CEP112: variants seen among roughly 807,000 people sequenced by gnomAD.
CEP112 encodes the protein centrosomal protein 112, also known as centrosomal protein of 112 kDa.
CEP112 carries 127 observed loss-of-function variants against 153.0 expected under a neutral mutation model. The observed-to-expected ratio is 0.83, with a 90% CI of 0.72 to 0.96. The LOEUF (loss-of-function observed/expected upper bound fraction) is 0.96, where lower values mean the gene tolerates loss of function less well. CEP112 is among the 40% of genes least tolerant of loss of function. The pLI, the probability that CEP112 is intolerant of heterozygous loss-of-function variation, is 0.00. For missense variants in CEP112, 1,089 were observed against 1,101.2 expected, an observed-to-expected ratio of 0.99 and a Z score of 0.16; for synonymous variants, 358 against 374.4, an observed-to-expected ratio of 0.96 and a Z score of 0.51.
At chr17:65,958,816 G>T (rs796440304) in intron 18 of CEP112, among the ~76,000 whole-genome samples, 1 of 152,266 alleles carries the variant, frequency 6.6e-6, no homozygotes, top group African/African-American at 2.4e-5. Context: ...AGGCCTGGCT[G>T]CAAGTCCCAC....
chr17:65,652,425 A>G (rs1202766500), intron 24 of CEP112, among the ~76,000 whole-genome samples: 1 of 152,096 alleles, frequency 6.6e-6, no homozygotes, highest in Admixed American at 6.6e-5. Context: ...CACATAATAG[A>G]TGTTCAATAA....
chr17:65,869,366 C>T (rs189396876), intron 20 of CEP112, among the ~76,000 whole-genome samples: 1 of 152,208 alleles, frequency 6.6e-6, no homozygotes, highest in East Asian at 1.9e-4. Context: ...AAATCATTAG[C>T]CCATCTTGTG....
intron 20 of CEP112, among the ~76,000 whole-genome samples, chr17:65,863,307 T>C (rs1041530913): frequency 3.9e-5 from 6 of 152,174 alleles, no homozygotes; most frequent in African/African-American, 1.4e-4. Context: ...AAAGAAAACA[T>C]GGCTTTTGCC....
intron 20 of CEP112, among the ~76,000 whole-genome samples, chr17:65,859,921 A>G (rs976660117): frequency 6.0e-5 from 9 of 150,244 alleles, no homozygotes; most frequent in Admixed American, 2.0e-4. Context: ...AGGCTGAGGC[A>G]GGAGAATCTC....
In CEP112 at chr17:65,983,463, A is replaced by G. The variant is rs189618831; in HGVS notation, c.1737-21865T>C. Among the ~76,000 whole-genome samples, 34 of 152,246 alleles carry G rather than the reference A, an allele frequency of 2.2e-4. No homozygotes were observed. The East Asian group carries it at 6.6e-3, about 29-fold the overall frequency. On this transcript the variant is annotated intron_variant, in intron 17 of 26. Transcript: ENST00000535342. ...TGTGACCTTCCAATGTTGGAGGTAG[A>G]GCCTAGTGGGAGGTGTTGGCTTATG...
intron 21 of CEP112, among the ~76,000 whole-genome samples, chr17:65,813,392 TGAG>T (rs2056089677): frequency 6.6e-6 from 1 of 152,120 alleles, no homozygotes; most frequent in Non-Finnish European, 1.5e-5. Context: ...CGTTGGGAAA[TGAG>T]GAATGTGGCA....
intron 23 of CEP112, among the ~76,000 whole-genome samples, chr17:65,702,786 G>T (rs532088941): frequency 2.6e-4 from 40 of 152,270 alleles, no homozygotes; most frequent in Non-Finnish European, 3.7e-4. Flanking sequence ...AGGAGCAAAG[G>T]CACGTCTTAC....
chr17:65,889,459 C>T (rs982131871), intron 20 of CEP112, among the ~76,000 whole-genome samples: 1 of 152,102 alleles, frequency 6.6e-6, no homozygotes, highest in African/African-American at 2.4e-5. Flanking sequence ...ATTATTGTTA[C>T]TTTTTTCCTG....
At chr17:66,058,704 T>C (rs2066805228) in intron 11 of CEP112, among the ~76,000 whole-genome samples, 1 of 151,648 alleles carries the variant, frequency 6.6e-6, no homozygotes, top group African/African-American at 2.4e-5. Context: ...AGTTTTAAAT[T>C]AGCCAGGTGT....
intron 4 of CEP112, among the ~76,000 whole-genome samples, chr17:66,158,025 G>C (rs1598460801): frequency 1.3e-5 from 2 of 152,134 alleles, no homozygotes; most frequent in East Asian, 1.9e-4. Flanking sequence ...ACTCAGCTCT[G>C]GACCAAATGG....
chr17:65,660,256 T>TG (rs1229592382), intron 24 of CEP112, among the ~76,000 whole-genome samples: 38 of 139,964 alleles, frequency 2.7e-4, no homozygotes, highest in African/African-American at 1.1e-3. Flanking sequence ...TTTTCTTTCT[T>TG]TTTTCTTTTC....
At chr17:66,052,308 C>A (rs1351297432) in intron 12 of CEP112, among the ~76,000 whole-genome samples, 1 of 152,132 alleles carries the variant, frequency 6.6e-6, no homozygotes, top group Non-Finnish European at 1.5e-5. Flanking sequence ...GTAAGTCAAA[C>A]CATCGTTAAG....
Position 66,029,164 on chromosome 17 carries a change from T to C in CEP112, c.1462A>G (p.Ile488Val), listed in dbSNP as rs755140327. 2.5e-6 allele frequency: 4 copies of C among 1,608,890 alleles called. No individual in the cohort carries two copies. The highest frequency in any genetic ancestry group is 2.2e-5 in the East Asian group (1 of 44,736). Reference protein sequence around the residue: ...KLLQTKYDADINLLKQEHALS... With the variant: ...KLLQTKYDADVNLLKQEHALS... ...GCATGTTCTTGTTTTAGAAGGTTTATATCAGCATCATATTTGGTTTGTAAC... is the reference window on the plus strand; with the variant it reads ...GCATGTTCTTGTTTTAGAAGGTTTACATCAGCATCATATTTGGTTTGTAAC... The change falls in exon 14 of 27, where the codon ATA becomes GTA. Residue 488 changes from isoleucine to valine, a missense_variant. Ile to Val is a conservative substitution (Grantham distance 29). Transcript: ENST00000535342.
In CEP112 at chr17:65,752,014, T is replaced by TCATCCATCCATC. The variant is rs150841318; in HGVS notation, c.2395-1302_2395-1291dup. 1.4e-3 allele frequency among the ~76,000 whole-genome samples: 112 copies of TCATCCATCCATC among 81,058 alleles called. 2 individuals are homozygous for TCATCCATCCATC. The highest frequency in any genetic ancestry group is 5.5e-3 in the African/African-American group (109 of 19,698). 53.2% of individuals were successfully genotyped at this position (81,058 alleles called of 152,430 possible). On this transcript the variant is annotated intron_variant, in intron 21 of 26. Transcript: ENST00000535342. ...TCTATCTATCTATCTACTGTTCCTT[T>TCATCCATCCATC]CATCCATCCATCCATCCATCCATCC...
At chr17:66,158,964 T>C (rs568728003) in intron 4 of CEP112, among the ~76,000 whole-genome samples, 107 of 151,842 alleles carry the variant, frequency 7.0e-4, no homozygotes, top group African/African-American at 2.5e-3. Flanking sequence ...GCCAGACTAA[T>C]AAAGAAGAAA....
intron 18 of CEP112, among the ~76,000 whole-genome samples, chr17:65,946,438 T>C (rs1390907158): frequency 6.6e-6 from 1 of 152,198 alleles, no homozygotes; most frequent in Non-Finnish European, 1.5e-5. Context: ...GTCATTTTTT[T>C]CCCCATTGCA....
chr17:65,753,239 G>C (rs944932573), intron 21 of CEP112, among the ~76,000 whole-genome samples: 1 of 152,054 alleles, frequency 6.6e-6, no homozygotes, highest in Non-Finnish European at 1.5e-5. Context: ...GTCATTGTTG[G>C]TTAACCTGTC....
chr17:66,008,813 T>C (rs1899586), intron 16 of CEP112, among the ~76,000 whole-genome samples: 62,438 of 151,888 alleles, frequency 0.41, 14,296 homozygotes, highest in East Asian at 0.87. Flanking sequence ...GGACCTTCCA[T>C]GTTATTGCAA....
intron 6 of CEP112, among the ~76,000 whole-genome samples, chr17:66,128,092 G>A (rs1016389437): frequency 1.3e-5 from 2 of 151,796 alleles, no homozygotes; most frequent in East Asian, 1.9e-4. Context: ...CCTGAGGGTC[G>A]GGAGTTCGAG....
Sources: allele counts gnomAD v4.1 joint callset (sites outside exome capture counted in the v4.1 genomes callset), GRCh38; gene constraint gnomAD v4.1.1; transcripts MANE v1.5; gene names NCBI Gene and HGNC (gene_info 2026-07-23, HGNC 2026-07-21).